AKAP6: variants seen among roughly 807,000 people sequenced by gnomAD.
The protein encoded by AKAP6 is A-kinase anchor protein 6.
AKAP6 carries 58 observed loss-of-function variants against 188.5 expected under a neutral mutation model. The ratio of observed to expected loss-of-function variants is 0.31; its 90% CI spans 0.25 to 0.38. The LOEUF is 0.38. Among genes scored for constraint, AKAP6 ranks in the 10% least tolerant of loss-of-function variants. The pLI, the probability that AKAP6 is intolerant of heterozygous loss-of-function variation, is 1.00. For missense variants in AKAP6, 2,710 were observed against 2,740.0 expected, an observed-to-expected ratio of 0.99 and a Z score of 0.24; for synonymous variants, 989 against 998.6, an observed-to-expected ratio of 0.99 and a Z score of 0.18.
At chr14:32,535,922 G>T (rs1057023181) in intron 3 of AKAP6, 117 bp downstream of exon 3, 4 of 1,432,828 alleles carry the variant, frequency 2.8e-6, no homozygotes, top group Non-Finnish European at 3.8e-6. Flanking sequence ...GGCCCTGATG[G>T]GCTTTGAATC....
intron 11 of AKAP6, among the ~76,000 whole-genome samples, chr14:32,738,188 G>T (rs552661780): frequency 1.3e-5 from 2 of 152,254 alleles, no homozygotes; most frequent in East Asian, 3.9e-4. Flanking sequence ...AGCTGTGTGT[G>T]TGCAGCTTCA....
intron 1 of AKAP6, among the ~76,000 whole-genome samples, chr14:32,342,858 A>G (rs1886934688): frequency 6.6e-6 from 1 of 152,126 alleles, no homozygotes; most frequent in African/African-American, 2.4e-5. Flanking sequence ...ATTCAAGGGG[A>G]TTACATAGTG....
At chr14:32,399,435 T>C (rs998540320) in intron 1 of AKAP6, among the ~76,000 whole-genome samples, 6 of 152,324 alleles carry the variant, frequency 3.9e-5, no homozygotes, top group Admixed American at 3.3e-4. Flanking sequence ...CTCAAAAATA[T>C]GATCAGCAGT....
intron 13 of AKAP6, among the ~76,000 whole-genome samples, 156 bp from the exon 14 acceptor site, chr14:32,829,692 T>C (rs11850033): frequency 0.017 from 2,658 of 152,312 alleles, 66 homozygotes; most frequent in African/African-American, 0.061. Flanking sequence ...AAGCTTGGGC[T>C]ATTAAAATTA....
rs55702209 is a variant in AKAP6 at position 32,404,691 on chromosome 14, GAT to G, written c.-34-28750_-34-28749del. On this transcript the variant is annotated intron_variant, in intron 1 of 13. Coordinates refer to ENST00000280979, the MANE Select transcript of AKAP6 (RefSeq NM_004274.5). The stretch of plus-strand genomic sequence containing the variant: ...AGAGTGGGGTTATGAGGAGTCAGGA[GAT>G]ATATATATATATATATATTAGTCAG... 6.8e-4 allele frequency among the ~76,000 whole-genome samples: 30 copies of G among 44,408 alleles called. 1 individual carries two copies. In the East Asian group the frequency reaches 0.015, roughly 22 times the overall value. 29.1% of individuals were successfully genotyped at this position (44,408 alleles called of 152,430 possible). A position where few individuals can be genotyped will look rare whatever the true frequency, so the allele number is the denominator to read the frequency against.
At chr14:32,477,830 C>T (rs1455854316) in intron 2 of AKAP6, among the ~76,000 whole-genome samples, 1 of 152,146 alleles carries the variant, frequency 6.6e-6, no homozygotes, top group African/African-American at 2.4e-5. Flanking sequence ...TACAGGGTTA[C>T]ATAAAGCAGC....
chr14:32,566,289 T>G (rs796608104), intron 4 of AKAP6, among the ~76,000 whole-genome samples: 5 of 152,108 alleles, frequency 3.3e-5, no homozygotes, highest in African/African-American at 1.2e-4. Flanking sequence ...ATAATGCCAT[T>G]CTTTTCACTG....
In AKAP6 at chr14:32,699,708, C is replaced by T. The variant is rs539402911; in HGVS notation, c.3000+3598C>T. ...ATTTTCTAATGAACATTGGCAATAT[C>T]GTCAGCCTAGAAAACACAAATGTAG... On this transcript the variant is annotated intron_variant, in intron 9 of 13. Transcript: ENST00000280979. Among the ~76,000 whole-genome samples, 5 of 152,264 alleles carry T rather than the reference C, an allele frequency of 3.3e-5. No individual in the cohort carries two copies. In the South Asian group the frequency reaches 6.2e-4, roughly 19 times the overall value.
intron 2 of AKAP6, among the ~76,000 whole-genome samples, chr14:32,467,555 G>T (rs140482190): frequency 1.3e-5 from 2 of 152,066 alleles, no homozygotes; most frequent in Non-Finnish European, 2.9e-5. Flanking sequence ...TTAGAGAGGT[G>T]ATGATTTGCC....
In AKAP6 at chr14:32,738,206, T is replaced by C. The variant is rs1594896577; in HGVS notation, c.3372+2324T>C. 2.0e-5 allele frequency among the ~76,000 whole-genome samples: 3 copies of C among 152,284 alleles called. No homozygotes were observed. In the South Asian group the frequency reaches 6.2e-4, roughly 32 times the overall value. Reference sequence around the variant, plus strand: ...TGTGTGTGTGCAGCTTCAATGCCATTGGCTGGAAAGCACTACTTTTTAATG... The same window carrying C: ...TGTGTGTGTGCAGCTTCAATGCCATCGGCTGGAAAGCACTACTTTTTAATG... On this transcript the variant is annotated intron_variant, in intron 11 of 13. Transcript: ENST00000280979.
At chr14:32,423,086 G>A (rs1032683247) in intron 1 of AKAP6, among the ~76,000 whole-genome samples, 1 of 152,132 alleles carries the variant, frequency 6.6e-6, no homozygotes, top group Non-Finnish European at 1.5e-5. Context: ...TGTTAGTAGG[G>A]TTTCTGGAAG....
intron 2 of AKAP6, among the ~76,000 whole-genome samples, chr14:32,509,120 C>CTTTTT (rs368423502): frequency 0.14 from 12,708 of 93,202 alleles, 1,611 homozygotes; most frequent in East Asian, 0.19. Flanking sequence ...TGCCCTGCCT[C>CTTTTT]TTTTTTTTTT....
intron 8 of AKAP6, among the ~76,000 whole-genome samples, chr14:32,680,597 C>T (rs115069963): frequency 2.3e-4 from 35 of 152,134 alleles, no homozygotes; most frequent in African/African-American, 5.5e-4. Flanking sequence ...TGATACAATT[C>T]GTATCATTTT....
intron 1 of AKAP6, among the ~76,000 whole-genome samples, chr14:32,418,146 A>G (rs1889721696): frequency 6.6e-6 from 1 of 152,198 alleles, no homozygotes; most frequent in African/African-American, 2.4e-5. Flanking sequence ...GAAAATTATA[A>G]ATAGATGATT....
At chr14:32,397,870 C>CT (rs1410160647) in intron 1 of AKAP6, among the ~76,000 whole-genome samples, 1 of 152,220 alleles carries the variant, frequency 6.6e-6, no homozygotes, top group Non-Finnish European at 1.5e-5. Context: ...AAATGCAACA[C>CT]TGAGGTCTCC....
At chr14:32,806,584 G>A (rs149176825) in intron 12 of AKAP6, among the ~76,000 whole-genome samples, 1 of 152,166 alleles carries the variant, frequency 6.6e-6, no homozygotes, top group East Asian at 1.9e-4. Context: ...GGCTGAGGTG[G>A]GAGGATTGCT....
intron 1 of AKAP6, among the ~76,000 whole-genome samples, chr14:32,431,224 T>C (rs374821468): frequency 1.3e-5 from 2 of 152,214 alleles, no homozygotes; most frequent in Admixed American, 6.5e-5. Flanking sequence ...TTTTGTTATC[T>C]TCTGATTGTT....
intron 7 of AKAP6, among the ~76,000 whole-genome samples, chr14:32,638,218 G>A (rs992742154): frequency 6.6e-6 from 1 of 152,006 alleles, no homozygotes; most frequent in African/African-American, 2.4e-5. Context: ...GAGAGTAAGT[G>A]AAAAGACATA....
intron 9 of AKAP6, among the ~76,000 whole-genome samples, chr14:32,701,003 A>T (rs920340659): frequency 6.6e-6 from 1 of 152,196 alleles, no homozygotes; most frequent in African/African-American, 2.4e-5. Context: ...CAGAGAATTT[A>T]TACTAAAGAT....
Sources: allele counts gnomAD v4.1 joint callset (sites outside exome capture counted in the v4.1 genomes callset), GRCh38; gene constraint gnomAD v4.1.1; transcripts MANE v1.5; gene names NCBI Gene and HGNC (gene_info 2026-07-23, HGNC 2026-07-21).